ESR1: variants seen among roughly 807,000 people sequenced by gnomAD.
ESR1 encodes estrogen receptor 1, also known as estrogen receptor.
ESR1 carries 12 observed loss-of-function variants against 52.7 expected under a neutral mutation model. That is an observed-to-expected ratio of 0.23 (90% CI 0.15 to 0.37). The LOEUF is 0.37. ESR1 is among the 10% of genes least tolerant of loss of function. The probability of loss-of-function intolerance (pLI) is 1.00; values close to 1 mark genes in which losing one functional copy is unlikely to be tolerated. For synonymous variants in ESR1, 305 were observed against 316.8 expected (o/e 0.96, Z 0.39); for missense variants, 584 against 779.7 (o/e 0.75, Z 2.99).
At chr6:151,687,463 T>C (rs1778735061), upstream of ESR1, among the ~76,000 whole-genome samples, 2 of 152,332 alleles carry the variant, frequency 1.3e-5, no homozygotes, top group South Asian at 2.1e-4. Context: ...GGGAACATCT[T>C]TGCTGAGAAG....
At chr6:151,942,927 AGTT>A (rs1018017875) in intron 3 of ESR1, among the ~76,000 whole-genome samples, 1 of 152,158 alleles carries the variant, frequency 6.6e-6, no homozygotes, top group African/African-American at 2.4e-5. Context: ...TTTTTAAAAT[AGTT>A]GTTTTTTTGC....
intron 5 of ESR1, among the ~76,000 whole-genome samples, chr6:152,035,985 G>T (rs1027713339): frequency 1.3e-5 from 2 of 152,112 alleles, no homozygotes; most frequent in Admixed American, 6.5e-5. Flanking sequence ...CTATCTCAGG[G>T]TCGGGAATTA....
chr6:151,891,380 T>G (rs1794676807), intron 3 of ESR1, among the ~76,000 whole-genome samples: 1 of 152,220 alleles, frequency 6.6e-6, no homozygotes, highest in Admixed American at 6.5e-5. Flanking sequence ...ATGTAAGGAC[T>G]TTTTCCGTAG....
intron 3 of ESR1, among the ~76,000 whole-genome samples, chr6:151,899,314 C>T (rs564422542): frequency 1.4e-4 from 19 of 136,114 alleles, no homozygotes; most frequent in African/African-American, 5.2e-4. Flanking sequence ...ACCCCCCCAC[C>T]TCCCTCCCGG....
chr6:151,997,612 A>G (rs373348951), intron 4 of ESR1, among the ~76,000 whole-genome samples: 9 of 152,168 alleles, frequency 5.9e-5, no homozygotes, highest in African/African-American at 2.2e-4. Context: ...CAGAAAAGCT[A>G]TGATTGCTGG....
chr6:151,774,555 C>T (rs1214519222), intron 2 of ESR1, among the ~76,000 whole-genome samples: 2 of 152,144 alleles, frequency 1.3e-5, no homozygotes, highest in Non-Finnish European at 2.9e-5. Flanking sequence ...TTACCTTGGC[C>T]CTCACACAGT....
chr6:151,714,657 A>G (rs1311920734), intron 2 of ESR1, among the ~76,000 whole-genome samples: 3 of 147,232 alleles, frequency 2.0e-5, no homozygotes, highest in African/African-American at 7.5e-5. Flanking sequence ...TAGGACTGCA[A>G]CCCCTGCTTT....
chr6:152,042,723 A>G (rs1313039961), intron 5 of ESR1, among the ~76,000 whole-genome samples: 3 of 152,208 alleles, frequency 2.0e-5, no homozygotes, highest in African/African-American at 2.4e-5. Context: ...TTTTCTGCTT[A>G]TATAAATTAA....
chr6:151,722,692 G>A (rs1225259756), intron 2 of ESR1, among the ~76,000 whole-genome samples: 2 of 152,212 alleles, frequency 1.3e-5, no homozygotes, highest in Admixed American at 1.3e-4. Flanking sequence ...ATAATGCGAT[G>A]TAAAGGCGTG....
At chr6:151,774,631 C>G (rs1412876484) in intron 2 of ESR1, among the ~76,000 whole-genome samples, 1 of 152,164 alleles carries the variant, frequency 6.6e-6, no homozygotes, top group African/African-American at 2.4e-5. Context: ...CTAGGATGAT[C>G]ACAGCAGTTA....
chr6:151,790,214 C>T (rs1218214491), intron 2 of ESR1, among the ~76,000 whole-genome samples: 2 of 152,250 alleles, frequency 1.3e-5, no homozygotes, highest in Non-Finnish European at 2.9e-5. Flanking sequence ...TGCACTGATT[C>T]TCTCTTGCAT....
intron 3 of ESR1, among the ~76,000 whole-genome samples, chr6:151,906,314 C>G (rs770268399): frequency 2.0e-5 from 3 of 151,746 alleles, no homozygotes; most frequent in Non-Finnish European, 4.4e-5. Flanking sequence ...AAACAGAAGA[C>G]TTTTTTTAAA....
intron 6 of ESR1, among the ~76,000 whole-genome samples, chr6:152,083,120 A>G (rs2049376086): frequency 6.6e-6 from 1 of 152,160 alleles, no homozygotes; most frequent in Non-Finnish European, 1.5e-5. Context: ...ACTACTTTAA[A>G]GCTCACATGG....
chr6:152,048,781 G>A (rs963427573), intron 5 of ESR1, among the ~76,000 whole-genome samples: 3 of 152,202 alleles, frequency 2.0e-5, no homozygotes, highest in African/African-American at 7.2e-5. Context: ...AGAAGATGAA[G>A]TATTAATTGT....
At chr6:151,680,823 G>T (rs851999) in intron 1 of ESR1, among the ~76,000 whole-genome samples, 31,959 of 152,094 alleles carry the variant, frequency 0.21, 4,163 homozygotes, top group Middle Eastern at 0.28. Context: ...GCACATGGTA[G>T]GTGCTCAGGA....
At chr6:152,087,515 G>A (rs1450308287) in intron 6 of ESR1, among the ~76,000 whole-genome samples, 1 of 152,118 alleles carries the variant, frequency 6.6e-6, no homozygotes, top group Non-Finnish European at 1.5e-5. Flanking sequence ...CTGGGTCCAC[G>A]AACATGTTGA....
At chr6:151,688,826 A>G (rs1337614733), upstream of ESR1, among the ~76,000 whole-genome samples, 2 of 152,224 alleles carry the variant, frequency 1.3e-5, no homozygotes, top group Admixed American at 6.5e-5. Flanking sequence ...ATGTGATTTT[A>G]TATCAGGGAC....
intron 2 of ESR1, among the ~76,000 whole-genome samples, chr6:151,758,798 G>A (rs1784457568): frequency 6.6e-6 from 1 of 151,590 alleles, no homozygotes; most frequent in Admixed American, 6.6e-5. Context: ...AGGAAGCTGG[G>A]GGTGAGGACA....
At chr6:151,915,025 A>G (rs1267553053) in intron 3 of ESR1, among the ~76,000 whole-genome samples, 1 of 152,186 alleles carries the variant, frequency 6.6e-6, no homozygotes, top group Non-Finnish European at 1.5e-5. Flanking sequence ...TTAAATGTCA[A>G]CTAAATATTG....
Sources: allele counts gnomAD v4.1 joint callset (sites outside exome capture counted in the v4.1 genomes callset), GRCh38; gene constraint gnomAD v4.1.1; transcripts MANE v1.5; gene names NCBI Gene and HGNC (gene_info 2026-07-23, HGNC 2026-07-21).